AP4E1: variants seen among roughly 807,000 people sequenced by gnomAD.
AP4E1 encodes adaptor related protein complex 4 subunit epsilon 1.
Under a neutral mutation model 128.2 loss-of-function variants are expected in AP4E1, and 56 were observed. The ratio of observed to expected loss-of-function variants is 0.44; its 90% CI spans 0.35 to 0.55. The LOEUF is 0.55. Among genes scored for constraint, AP4E1 ranks in the 20% least tolerant of loss-of-function variants. The pLI is 0.00. For missense variants in AP4E1, 1,324 were observed against 1,307.7 expected (o/e 1.01, Z -0.19); for synonymous variants, 484 against 473.1 (o/e 1.02, Z -0.30).
At chr15:50,965,772 T>TTAAA (rs1162922627) in intron 14 of AP4E1, among the ~76,000 whole-genome samples, 14 of 152,336 alleles carry the variant, frequency 9.2e-5, no homozygotes, top group South Asian at 8.3e-4. Context: ...AATCTACTTG[T>TTAAA]TAAAGTCTTC....
chr15:50,927,987 G>A (rs545579684), intron 5 of AP4E1, among the ~76,000 whole-genome samples: 3 of 152,234 alleles, frequency 2.0e-5, no homozygotes, highest in Admixed American at 2.0e-4. Flanking sequence ...AAGCTTCCTT[G>A]GAAACTACAT....
Position 50,942,483 on chromosome 15 carries a change from AAATT to A in AP4E1, c.1176+717_1176+720del, listed in dbSNP as rs540550366. ...CTCATTGTTCTCTTTTATATCTATA[AAATT>A]AATTAATTTCCTACCAAATAGATAG... On this transcript the variant is annotated intron_variant, in intron 10 of 20. Coordinates refer to ENST00000261842, the MANE Select transcript of AP4E1 (RefSeq NM_007347.5). 5.0e-3 allele frequency among the ~76,000 whole-genome samples: 765 copies of A among 152,006 alleles called. 11 individuals are homozygous for A. The highest frequency in any genetic ancestry group is 0.018 in the African/African-American group (738 of 41,524).
intron 7 of AP4E1, among the ~76,000 whole-genome samples, chr15:50,931,431 T>G (rs767120761): frequency 3.3e-5 from 5 of 152,082 alleles, no homozygotes; most frequent in Admixed American, 6.5e-5. Flanking sequence ...TTGGGCACAG[T>G]GGCGCGCGCC....
Position 50,958,485 on chromosome 15 carries a change from T to C in AP4E1, c.1549-7T>C. On this transcript the variant is annotated splice_region_variant and splice_polypyrimidine_tract_variant and intron_variant, in intron 13 of 20. Coordinates refer to ENST00000261842, the MANE Select transcript of AP4E1 (RefSeq NM_007347.5). ...TCTATATGAATATCTCTTTGTTTTA[T>C]TTACAGGTATTAGGGGAATATTCCT... is the stretch of plus-strand genomic sequence containing the variant. 6.2e-7 allele frequency: 1 copy of C among 1,603,942 alleles called. No homozygotes were observed. The highest frequency in any genetic ancestry group is 8.5e-7 in the Non-Finnish European group (1 of 1,173,274).
intron 10 of AP4E1, chr15:50,945,067 G>A (rs1358391148): frequency 2.6e-6 from 2 of 781,422 alleles, no homozygotes; most frequent in Non-Finnish European, 4.7e-6. Context: ...GTGAAACAAT[G>A]GAAAATGGAT....
rs1203910887 is a variant in AP4E1, at chr15:50,915,518, A to G, written c.293A>G (p.Tyr98Cys). 43 of 1,613,532 alleles carry G rather than the reference A, an allele frequency of 2.7e-5. No homozygotes were observed. The highest frequency in any genetic ancestry group is 3.6e-5 in the Non-Finnish European group (42 of 1,179,738). The part of the protein sequence containing the change: ...EMLGYDASFG[Y>C]IHAIKLAQQG... ...CTTGGATATGATGCTTCCTTTGGCTATATTCATGCAATCAAGTTAGCCCAA... is the reference window on the plus strand; with the variant it reads ...CTTGGATATGATGCTTCCTTTGGCTGTATTCATGCAATCAAGTTAGCCCAA... Residue 98 changes from tyrosine to cysteine, a missense_variant, in exon 3 of 21, where the codon TAT becomes TGT. Coordinates refer to ENST00000261842, the MANE Select transcript of AP4E1 (RefSeq NM_007347.5).
intron 11 of AP4E1, among the ~76,000 whole-genome samples, chr15:50,949,041 T>A (rs1176029955): frequency 6.6e-6 from 1 of 151,954 alleles, no homozygotes; most frequent in Non-Finnish European, 1.5e-5. Flanking sequence ...TGAAATTATA[T>A]TGGAAATTGC....
rs7178380 is a variant in AP4E1 at position 50,944,974 on chromosome 15, T to C, written c.1177-3046T>C. 3,097 of 765,674 alleles carry C rather than the reference T, an allele frequency of 4.0e-3. 78 individuals carry two copies. The African/African-American group carries it at 0.049, about 12-fold the overall frequency. The allele number at this position is 765,674 out of a possible 1,614,324, so 47.4% of individuals were successfully genotyped here. A position where few individuals can be genotyped will look rare whatever the true frequency, so the allele number is the denominator to read the frequency against. ...ACTCAACAGAAATGTATCCATACAA[T>C]ACAAGCACATGAAGGCTTTGTATAA... On this transcript the variant is annotated intron_variant, in intron 10 of 20. Transcript: ENST00000261842.
At chr15:50,972,957 A>C (rs912571093) in intron 15 of AP4E1, among the ~76,000 whole-genome samples, 6 of 152,222 alleles carry the variant, frequency 3.9e-5, no homozygotes, top group Non-Finnish European at 7.3e-5. Context: ...TCGTTCAACA[A>C]AATATCTGAT....
upstream of AP4E1, among the ~76,000 whole-genome samples, chr15:50,908,006 C>T (rs1401976230): frequency 6.6e-6 from 1 of 152,232 alleles, no homozygotes; most frequent in African/African-American, 2.4e-5. Context: ...CCCGCCGGGC[C>T]AGGGGAGTGG....
intron 10 of AP4E1, chr15:50,945,844 C>T (rs2064054758): frequency 7.5e-6 from 6 of 797,016 alleles, no homozygotes; most frequent in Non-Finnish European, 1.3e-5. Context: ...TTGTCATTGA[C>T]ATCTACCAAA....
chr15:50,956,132 G>A (rs2064220028), intron 13 of AP4E1, among the ~76,000 whole-genome samples: 1 of 152,120 alleles, frequency 6.6e-6, no homozygotes, highest in African/African-American at 2.4e-5. Context: ...ATACTTAGTA[G>A]GAAGAATAGG....
intron 16 of AP4E1, among the ~76,000 whole-genome samples, chr15:50,985,452 T>G (rs2064707108): frequency 6.6e-6 from 1 of 152,236 alleles, no homozygotes; most frequent in African/African-American, 2.4e-5. Context: ...GGTCTAACAT[T>G]TAAGTCTTTA....
intron 3 of AP4E1, among the ~76,000 whole-genome samples, chr15:50,921,551 G>A (rs1048835443): frequency 6.6e-6 from 1 of 151,078 alleles, no homozygotes; most frequent in Non-Finnish European, 1.5e-5. Flanking sequence ...GTTTCTCACC[G>A]TGTTGGCCAG....
intron 19 of AP4E1, among the ~76,000 whole-genome samples, chr15:51,000,382 C>G (rs2064945807): frequency 6.6e-6 from 1 of 152,128 alleles, no homozygotes; most frequent in African/African-American, 2.4e-5. Context: ...CTCAAGCGAT[C>G]TGTCTGCCTC....
chr15:50,983,892 C>T, intron 15 of AP4E1, 130 bp from the exon 16 acceptor site: 1 of 840,822 alleles, frequency 1.2e-6, no homozygotes, highest in Non-Finnish European at 1.9e-6. Context: ...TTAGATCATC[C>T]TCAAAGTCCT....
In AP4E1 at chr15:51,001,046, A is replaced by G; in HGVS notation, c.3116A>G (p.Asp1039Gly). The G allele has an allele frequency of 6.2e-7, 1 of 1,612,702 alleles. No individual in the cohort carries two copies. The highest frequency in any genetic ancestry group is 8.5e-7 in the Non-Finnish European group (1 of 1,179,068). ...DFIRPLKISSDDFGKLWLSFA... is the reference protein window; with the variant it reads ...DFIRPLKISSGDFGKLWLSFA... The stretch of plus-strand genomic sequence containing the variant: ...TTCAGACCATTAAAAATCTCAAGTG[A>G]CGACTTTGGGAAACTCTGGTTATCC... Residue 1039 changes from aspartate to glycine, a missense_variant, in exon 20 of 21, where the codon GAC (aspartate) becomes GGC (glycine). Asp to Gly is a moderately conservative substitution (Grantham distance 94). Coordinates refer to ENST00000261842, the MANE Select transcript of AP4E1 (RefSeq NM_007347.5).
chr15:50,932,259 G>A (rs1475809918), intron 7 of AP4E1, among the ~76,000 whole-genome samples: 4 of 152,106 alleles, frequency 2.6e-5, no homozygotes, highest in African/African-American at 9.7e-5. Flanking sequence ...GATGACAGGC[G>A]TGAGCCACCG....
intron 7 of AP4E1, among the ~76,000 whole-genome samples, chr15:50,932,715 C>T (rs2063850833): frequency 6.6e-6 from 1 of 152,134 alleles, no homozygotes; most frequent in South Asian, 2.1e-4. Flanking sequence ...AATCCATTTG[C>T]CTGTGAGCTC....
Sources: gnomAD v4.1 joint callset for allele counts (sites outside exome capture counted in the v4.1 genomes callset) on GRCh38, gnomAD v4.1.1 for gene constraint, MANE v1.5 for transcripts, NCBI Gene and HGNC (gene_info 2026-07-23, HGNC 2026-07-21) for gene names.